Variants in PCDH9 observed in about 807,000 individuals in gnomAD.
The protein encoded by PCDH9 is protocadherin-9.
A neutral mutation model predicts 70.6 loss-of-function variants in PCDH9; 24 were observed. The ratio of observed to expected loss-of-function variants is 0.34; its 90% CI spans 0.25 to 0.48. PCDH9 has a LOEUF of 0.48. PCDH9 is among the 20% of genes least tolerant of loss of function. The pLI is 0.99. For synonymous variants in PCDH9, 562 were observed against 558.5 expected (o/e 1.01, Z -0.09); for missense variants, 1,281 against 1,503.6 (o/e 0.85, Z 2.45).
intron 4 of PCDH9, among the ~76,000 whole-genome samples, chr13:66,530,791 T>C (rs1459205094): frequency 6.6e-6 from 1 of 152,094 alleles, no homozygotes; most frequent in African/African-American, 2.4e-5. Flanking sequence ...CTGATGTTGG[T>C]TGCATTATAA....
At chr13:66,405,650 C>A (rs560052725) in intron 4 of PCDH9, among the ~76,000 whole-genome samples, 3 of 152,010 alleles carry the variant, frequency 2.0e-5, no homozygotes, top group African/African-American at 7.2e-5. Flanking sequence ...CCAAAGGCTG[C>A]GTTAAAGATG....
At chr13:66,434,335 G>T (rs1957828975) in intron 4 of PCDH9, among the ~76,000 whole-genome samples, 3 of 151,812 alleles carry the variant, frequency 2.0e-5, no homozygotes, top group Admixed American at 2.0e-4. Flanking sequence ...GGTAATTTTT[G>T]TTCTTACTTT....
At chr13:66,825,975 TAATA>T (rs1281304700) in intron 3 of PCDH9, among the ~76,000 whole-genome samples, 8 of 152,046 alleles carry the variant, frequency 5.3e-5, no homozygotes, top group Non-Finnish European at 8.8e-5. Flanking sequence ...TTTAAAGAAA[TAATA>T]AATAAAAAGT....
intron 2 of PCDH9, among the ~76,000 whole-genome samples, chr13:66,920,100 A>G (rs2082615810): frequency 6.6e-6 from 1 of 151,082 alleles, no homozygotes; most frequent in South Asian, 2.1e-4. Context: ...TTGTTCAGAA[A>G]AACTGATACT....
intron 4 of PCDH9, among the ~76,000 whole-genome samples, chr13:66,362,487 T>C (rs1037743588): frequency 3.3e-5 from 5 of 152,156 alleles, no homozygotes; most frequent in Admixed American, 6.6e-5. Flanking sequence ...TTGATAAAAA[T>C]GTGTGACTCA....
rs2078549368 is a variant in PCDH9 at position 66,695,459 on chromosome 13, T to C, written c.3139-64048A>G. ...GTGACTGCATCTTGAGCACACATAA[T>C]ATAATCATGCTTTTTTCTTCACTAA... On this transcript the variant is annotated intron_variant, in intron 3 of 4. Transcript: ENST00000377865. Among the ~76,000 whole-genome samples the C allele has an allele frequency of 2.0e-5, 3 of 152,316 alleles. No individual in the cohort carries two copies. In the South Asian group the frequency reaches 6.2e-4, roughly 32 times the overall value.
At chr13:67,149,109 C>T (rs1022758395) in intron 2 of PCDH9, among the ~76,000 whole-genome samples, 5 of 152,030 alleles carry the variant, frequency 3.3e-5, no homozygotes, top group Non-Finnish European at 5.9e-5. Context: ...CCTTATAGAC[C>T]GACTACATGC....
intron 3 of PCDH9, among the ~76,000 whole-genome samples, chr13:66,730,350 C>CA (rs1250071156): frequency 1.3e-5 from 2 of 152,134 alleles, no homozygotes; most frequent in Non-Finnish European, 2.9e-5. Flanking sequence ...TCTTCTACTG[C>CA]ATACTGTCTG....
At chr13:66,614,649 C>T (rs1274219937) in intron 4 of PCDH9, among the ~76,000 whole-genome samples, 1 of 152,106 alleles carries the variant, frequency 6.6e-6, no homozygotes, top group Non-Finnish European at 1.5e-5. Flanking sequence ...CCTGAAGTGT[C>T]CAGAAAAGAG....
At position 67,226,272 on chromosome 13, in the gene PCDH9, TTTA is replaced by T. The variant is rs1566511037; in HGVS notation, c.2166_2168del (p.Asn722del). 6.2e-7 allele frequency: 1 copy of T among 1,614,164 alleles called. No individual in the cohort carries two copies. The highest frequency in any genetic ancestry group is 2.2e-5 in the East Asian group (1 of 44,876). On this transcript the variant is annotated inframe_deletion, in exon 2 of 5. Transcript: ENST00000377865. The surrounding 1 kb of genome is among the most constrained non-coding windows in gnomAD (Gnocchi z 5.0). ...TTACTGGATCAATCCGGAATAAGCC[TTTA>T]TTGTTTCCACTCACTATAGTATACT... is the stretch of plus-strand genomic sequence containing the variant.
chr13:67,110,866 TG>T (rs1440450465), intron 2 of PCDH9, among the ~76,000 whole-genome samples: 3 of 152,214 alleles, frequency 2.0e-5, no homozygotes, highest in Non-Finnish European at 4.4e-5. Context: ...TATTTTATCC[TG>T]TTACCCTGTT....
chr13:67,152,271 G>T (rs2087682267), intron 2 of PCDH9, among the ~76,000 whole-genome samples: 1 of 152,172 alleles, frequency 6.6e-6, no homozygotes, highest in South Asian at 2.1e-4. Flanking sequence ...AGCGCTCCAT[G>T]CCTGATACAA....
At chr13:67,038,736 G>C (rs1279007251) in intron 2 of PCDH9, among the ~76,000 whole-genome samples, 1 of 152,200 alleles carries the variant, frequency 6.6e-6, no homozygotes, top group East Asian at 1.9e-4. Context: ...TTCTGGCACA[G>C]AGTTCCTAAA....
chr13:66,829,571 T>C (rs982287237), intron 3 of PCDH9, among the ~76,000 whole-genome samples: 1 of 151,820 alleles, frequency 6.6e-6, no homozygotes. Context: ...TTACTGTTTA[T>C]AAATTATTTC....
chr13:67,197,556 G>A (rs947693563), intron 2 of PCDH9, among the ~76,000 whole-genome samples: 5 of 151,930 alleles, frequency 3.3e-5, no homozygotes, highest in Non-Finnish European at 7.4e-5. Flanking sequence ...GCTCCATGAA[G>A]TCTGTGGGAA....
chr13:66,490,369 C>T (rs758131832), intron 4 of PCDH9, among the ~76,000 whole-genome samples: 2 of 152,080 alleles, frequency 1.3e-5, no homozygotes, highest in Admixed American at 6.6e-5. Flanking sequence ...TTATACCGGT[C>T]GGCTTCATGT....
rs527782430 is a variant in PCDH9, at chr13:66,527,700, A to G, written c.3340+103510T>C. Among the ~76,000 whole-genome samples the G allele has an allele frequency of 2.6e-5, 4 of 152,288 alleles. No homozygotes were observed. The South Asian group carries it at 8.3e-4, about 32-fold the overall frequency. On this transcript the variant is annotated intron_variant, in intron 4 of 4. Transcript: ENST00000377865. ...AGAAAGTCAAAGAAAAAAAGAAAGT[A>G]TAAAGGAACAGGTCATTTATTAAAG...
intron 4 of PCDH9, among the ~76,000 whole-genome samples, chr13:66,596,619 C>T (rs568577474): frequency 8.1e-4 from 123 of 151,688 alleles, no homozygotes; most frequent in Middle Eastern, 6.8e-3. Context: ...GCATCAAATA[C>T]GAGAACGTGA....
chr13:66,673,901 T>C (rs946950128), intron 3 of PCDH9, among the ~76,000 whole-genome samples: 5 of 152,190 alleles, frequency 3.3e-5, no homozygotes, highest in Middle Eastern at 3.2e-3. Flanking sequence ...ATTATATGGT[T>C]GCAATTCATT....
Sources: allele counts gnomAD v4.1 joint callset (sites outside exome capture counted in the v4.1 genomes callset), GRCh38; gene constraint gnomAD v4.1.1; non-coding constraint Gnocchi (gnomAD v3.1); transcripts MANE v1.5; gene names NCBI Gene and HGNC (gene_info 2026-07-23, HGNC 2026-07-21).